The following PHIP variants were observed in gnomAD, a reference collection of about 807,000 sequenced individuals.
PHIP encodes PHIP subunit of CUL4-Ring ligase complex.
A neutral mutation model predicts 236.8 loss-of-function variants in PHIP; 54 were observed. The observed-to-expected ratio is 0.23, with a 90% CI of 0.18 to 0.29. PHIP has a LOEUF of 0.29. Ranked by LOEUF, PHIP falls within the 10% of genes least tolerant of loss-of-function variation. The pLI is 1.00. For missense variants in PHIP, 1,370 were observed against 2,190.8 expected (o/e 0.63, Z 7.48); for synonymous variants, 756 against 718.9 (o/e 1.05, Z -0.83).
intron 4 of PHIP, among the ~76,000 whole-genome samples, chr6:79,069,647 C>T (rs762676070): frequency 1.8e-4 from 28 of 151,906 alleles, no homozygotes; most frequent in Non-Finnish European, 3.2e-4. Flanking sequence ...AGTTTTTCTC[C>T]CCATCGACAC....
At chr6:78,945,883 G>A in intron 38 of PHIP, 118 bp downstream of exon 38, 1 of 726,812 alleles carries the variant, frequency 1.4e-6, no homozygotes, top group Non-Finnish European at 2.3e-6. Context: ...TAATAAAGAA[G>A]GCAAAAACAA....
At chr6:79,064,120 C>T (rs1294134812) in intron 4 of PHIP, among the ~76,000 whole-genome samples, 1 of 152,068 alleles carries the variant, frequency 6.6e-6, no homozygotes, top group Non-Finnish European at 1.5e-5. Flanking sequence ...ACACAACTGT[C>T]CCTCTTAATA....
chr6:79,016,857 A>G (rs1770854366), intron 12 of PHIP, among the ~76,000 whole-genome samples: 1 of 151,998 alleles, frequency 6.6e-6, no homozygotes, highest in Non-Finnish European at 1.5e-5. Context: ...AAAGTGATTC[A>G]AGGTCACTAT....
intron 15 of PHIP, among the ~76,000 whole-genome samples, chr6:79,008,671 T>C (rs1033282755): frequency 3.3e-5 from 5 of 152,156 alleles, no homozygotes; most frequent in African/African-American, 1.2e-4. Context: ...TTCCTTCTCC[T>C]GTCTCCACGA....
At chr6:79,025,316 G>A (rs1037964061) in intron 9 of PHIP, among the ~76,000 whole-genome samples, 2 of 147,644 alleles carry the variant, frequency 1.4e-5, no homozygotes, top group Non-Finnish European at 3.0e-5. Flanking sequence ...GAAAAAAAAT[G>A]TGAACATGAG....
At position 79,003,689 on chromosome 6, in the gene PHIP, A is replaced by G. The variant is rs201930865; in HGVS notation, c.1653+41T>C. 3 of 1,202,158 alleles carry G rather than the reference A, an allele frequency of 2.5e-6. No individual in the cohort carries two copies. In the South Asian group the frequency reaches 5.4e-5, roughly 22 times the overall value. The allele number at this position is 1,202,158 out of a possible 1,614,324, so 74.5% of individuals were successfully genotyped here. A position where few individuals can be genotyped will look rare whatever the true frequency, so the allele number is the denominator to read the frequency against. On this transcript the variant is annotated intron_variant, in intron 16 of 39. Transcript: ENST00000275034. ...AACATACAACCCCTAAACATGCATTAAAAAAAAATAAGGACATGATATATA... is the reference window on the plus strand; with the variant it reads ...AACATACAACCCCTAAACATGCATTGAAAAAAAATAAGGACATGATATATA...
intron 19 of PHIP, among the ~76,000 whole-genome samples, chr6:78,992,534 C>G (rs1446853347): frequency 6.6e-6 from 1 of 151,762 alleles, no homozygotes; most frequent in Non-Finnish European, 1.5e-5. Context: ...TGAGCAAATG[C>G]CATTTTTCAA....
At chr6:79,019,210 A>G (rs889420295) in intron 9 of PHIP, 51 bp from the exon 10 acceptor site, 3 of 1,281,092 alleles carry the variant, frequency 2.3e-6, no homozygotes, top group Admixed American at 1.7e-5. Flanking sequence ...AACCAGTAGC[A>G]GCAGAAATAA....
intron 24 of PHIP, among the ~76,000 whole-genome samples, chr6:78,972,779 C>T (rs1055247673): frequency 7.3e-5 from 11 of 151,724 alleles, no homozygotes; most frequent in African/African-American, 2.7e-4. Context: ...AGGGTATCAG[C>T]AATGGAAGAT....
At chr6:79,000,193 A>C (rs1769895431) in intron 17 of PHIP, among the ~76,000 whole-genome samples, 1 of 152,086 alleles carries the variant, frequency 6.6e-6, no homozygotes, top group Non-Finnish European at 1.5e-5. Flanking sequence ...ATAAGTCTAA[A>C]ATATGACAAA....
rs1238196339 is a variant in PHIP at position 78,999,659 on chromosome 6, A to C, written c.1880-1268T>G. On this transcript the variant is annotated intron_variant, in intron 17 of 39. Coordinates refer to ENST00000275034, the MANE Select transcript of PHIP (RefSeq NM_017934.7). ...AGCAATTAGTATCAGCCATACAAGTATATGAGAAGATCTGATCAGCTCAGA... is the reference window on the plus strand; with the variant it reads ...AGCAATTAGTATCAGCCATACAAGTCTATGAGAAGATCTGATCAGCTCAGA... Among the ~76,000 whole-genome samples, 4 of 152,254 alleles carry C rather than the reference A, an allele frequency of 2.6e-5. No homozygotes were observed. The East Asian group carries it at 7.7e-4, about 29-fold the overall frequency.
chr6:78,973,846 C>G (rs1767815404), intron 24 of PHIP, among the ~76,000 whole-genome samples: 1 of 151,552 alleles, frequency 6.6e-6, no homozygotes, highest in East Asian at 2.0e-4. Flanking sequence ...TATATATGCA[C>G]CCAATACAGG....
intron 6 of PHIP, 23 bp downstream of exon 6, chr6:79,060,455 A>G (rs1773316465): frequency 6.5e-7 from 1 of 1,531,372 alleles, no homozygotes. Context: ...GCTATTAACT[A>G]CTAGTGAACT....
intron 19 of PHIP, among the ~76,000 whole-genome samples, chr6:78,993,987 G>A (rs914320568): frequency 6.6e-6 from 1 of 152,190 alleles, no homozygotes; most frequent in Non-Finnish European, 1.5e-5. Context: ...TGATTCATGG[G>A]AAGAGGAAAA....
rs912725628 is a variant in PHIP at position 78,937,457 on chromosome 6, T to C, written c.*3236A>G. 1 of 151,742 alleles carries C rather than the reference T, an allele frequency of 6.6e-6. No homozygotes were observed. The highest frequency in any genetic ancestry group is 1.5e-5 in the Non-Finnish European group (1 of 67,662). The allele number at this position is 151,742 out of a possible 1,614,324, so 9.4% of individuals were successfully genotyped here. Reference sequence around the variant, plus strand: ...TGAGGGACAGTTCTAGATGTTAACATACATGCTGCATAAAGATATTTTCTC... The same window carrying C: ...TGAGGGACAGTTCTAGATGTTAACACACATGCTGCATAAAGATATTTTCTC... On this transcript the variant is annotated 3_prime_UTR_variant, in exon 40 of 40. Transcript: ENST00000275034.
In PHIP at chr6:78,939,683, A is replaced by G. The variant is rs1773394630; in HGVS notation, c.*1010T>C. 6.6e-6 allele frequency: 1 copy of G among 151,952 alleles called. No individual in the cohort carries two copies. The highest frequency in any genetic ancestry group is 6.6e-5 in the Admixed American group (1 of 15,244). The allele number at this position is 151,952 out of a possible 1,614,324, so 9.4% of individuals were successfully genotyped here. On this transcript the variant is annotated 3_prime_UTR_variant, in exon 40 of 40. Coordinates refer to ENST00000275034, the MANE Select transcript of PHIP (RefSeq NM_017934.7). ...TCATTTTAGGCTATTAGATATGTCT[A>G]AAGTTTAGAAATGACATTAATCCAG...
intron 9 of PHIP, 25 bp from the exon 10 acceptor site, chr6:79,019,184 A>T: frequency 6.5e-7 from 1 of 1,540,824 alleles, no homozygotes; most frequent in East Asian, 2.2e-5. Flanking sequence ...ATAAAGAATT[A>T]AAAATATCCT....
chr6:79,047,132 C>T (rs975868290), intron 6 of PHIP, among the ~76,000 whole-genome samples: 3 of 152,060 alleles, frequency 2.0e-5, no homozygotes, highest in Non-Finnish European at 2.9e-5. Context: ...AATACTGAAG[C>T]ATGTCATTTG....
chr6:79,023,578 T>C (rs1289955096), intron 9 of PHIP, among the ~76,000 whole-genome samples: 1 of 151,966 alleles, frequency 6.6e-6, no homozygotes, highest in Non-Finnish European at 1.5e-5. Context: ...ATGCAAGCTA[T>C]TAAAATACAT....
Sources: gnomAD v4.1 joint callset for allele counts (sites outside exome capture counted in the v4.1 genomes callset) on GRCh38, gnomAD v4.1.1 for gene constraint, MANE v1.5 for transcripts, NCBI Gene and HGNC (gene_info 2026-07-23, HGNC 2026-07-21) for gene names.